ZDHHC21: variants seen among roughly 807,000 people sequenced by gnomAD.
ZDHHC21 encodes palmitoyltransferase ZDHHC21.
Under a neutral mutation model 34.6 loss-of-function variants are expected in ZDHHC21, and 15 were observed. The observed-to-expected ratio is 0.43, with a 90% confidence interval of 0.29 to 0.67. The LOEUF is 0.67. Among genes scored for constraint, ZDHHC21 ranks in the 30% least tolerant of loss-of-function variants. ZDHHC21 has a pLI of 0.14. For synonymous variants in ZDHHC21, 142 were observed against 101.8 expected, an observed-to-expected ratio of 1.40 and a Z score of -2.38; for missense variants, 344 against 327.7, an observed-to-expected ratio of 1.05 and a Z score of -0.38.
intron 7 of ZDHHC21, among the ~76,000 whole-genome samples, chr9:14,656,999 T>C (rs1020197958): frequency 3.6e-4 from 54 of 151,930 alleles, no homozygotes; most frequent in African/African-American, 1.2e-3. Context: ...AATATACACA[T>C]ATATGTCGTA....
chr9:14,664,629 T>G (rs1378572802), intron 5 of ZDHHC21, among the ~76,000 whole-genome samples: 5 of 150,538 alleles, frequency 3.3e-5, no homozygotes, highest in African/African-American at 9.8e-5. Context: ...AAGAGAGCAG[T>G]GGTTCTCCCT....
chr9:14,604,078 G>C, the ZDHHC21 span, among the ~76,000 whole-genome samples: 7 of 152,130 alleles, frequency 4.6e-5, no homozygotes, highest in Non-Finnish European at 1.5e-5. Context: ...GCAAAAATAT[G>C]TATCAATAAC....
At position 14,618,186 on chromosome 9, in the gene ZDHHC21, A is replaced by G. The variant is rs1396140733; in HGVS notation, c.*780T>C. On this transcript the variant is annotated 3_prime_UTR_variant, in exon 10 of 10. Transcript: ENST00000380916. ...CATTAAAATCTTAGGATAAAATAGG[A>G]ATACATGCCCACTGGTCAGGAGTTC... is the stretch of plus-strand genomic sequence containing the variant. 1 of 152,538 alleles carries G rather than the reference A, an allele frequency of 6.6e-6. No homozygotes were observed. Among genetic ancestry groups the G allele is most frequent in the East Asian group, 1.9e-4 (1 of 5,186 alleles). The allele number at this position is 152,538 out of a possible 1,614,324, so 9.4% of individuals were successfully genotyped here. A position where few individuals can be genotyped will look rare whatever the true frequency, so the allele number is the denominator to read the frequency against.
At position 14,618,863 on chromosome 9, in the gene ZDHHC21, G is replaced by A. The variant is rs1824729605; in HGVS notation, c.*103C>T. 1 of 1,306,956 alleles carries A rather than the reference G, an allele frequency of 7.7e-7. No individual in the cohort carries two copies. Among genetic ancestry groups the A allele is most frequent in the African/African-American group, 1.5e-5 (1 of 66,280 alleles). 81.0% of individuals were successfully genotyped at this position (1,306,956 alleles called of 1,614,324 possible). Reference sequence around the variant, plus strand: ...GCACATTATGATGCCTAAGACTGGTGGGTGGATTTTAATTGACTTGAAGAC... The same window carrying A: ...GCACATTATGATGCCTAAGACTGGTAGGTGGATTTTAATTGACTTGAAGAC... On this transcript the variant is annotated 3_prime_UTR_variant, in exon 10 of 10. Coordinates refer to ENST00000380916, the MANE Select transcript of ZDHHC21 (RefSeq NM_178566.6).
chr9:14,657,263 CCTCT>C (rs1483127282), intron 7 of ZDHHC21, among the ~76,000 whole-genome samples: 4 of 151,964 alleles, frequency 2.6e-5, no homozygotes, highest in African/African-American at 7.2e-5. Context: ...TTGTTTCCTC[CCTCT>C]GAGAGTTTTC....
At chr9:14,659,269 T>A (rs7031629) in intron 6 of ZDHHC21, among the ~76,000 whole-genome samples, 144,250 of 152,204 alleles carry the variant, frequency 0.95, 68,387 homozygotes, top group Non-Finnish European at 0.96. Context: ...TTCCCTGTAT[T>A]TTGCTCTTCC....
At chr9:14,636,678 ATG>A (rs1438364700) in intron 8 of ZDHHC21, among the ~76,000 whole-genome samples, 1 of 152,144 alleles carries the variant, frequency 6.6e-6, no homozygotes, top group East Asian at 1.9e-4. Flanking sequence ...CTCAAGAAAC[ATG>A]AAAAAAATCT....
At chr9:14,644,359 C>G (rs1320302020) in intron 7 of ZDHHC21, among the ~76,000 whole-genome samples, 1 of 151,962 alleles carries the variant, frequency 6.6e-6, no homozygotes, top group Non-Finnish European at 1.5e-5. Context: ...TTCTTTCTTT[C>G]TCTTGTCTTA....
Position 14,618,246 on chromosome 9 carries a change from T to C in ZDHHC21, c.*720A>G, listed in dbSNP as rs1824628376. ...CAAATATTTTAATCACAATCAATAA[T>C]TACAACAGTAATAGTGAAAATTGAA... On this transcript the variant is annotated 3_prime_UTR_variant, in exon 10 of 10. Transcript: ENST00000380916. 1 of 152,482 alleles carries C rather than the reference T, an allele frequency of 6.6e-6. No homozygotes were observed. Among genetic ancestry groups the C allele is most frequent in the African/African-American group, 2.4e-5 (1 of 41,438 alleles). 9.4% of individuals were successfully genotyped at this position (152,482 alleles called of 1,614,324 possible).
the ZDHHC21 span, among the ~76,000 whole-genome samples, chr9:14,603,267 A>G: frequency 6.6e-6 from 1 of 152,306 alleles, no homozygotes; most frequent in Middle Eastern, 3.4e-3. Context: ...TATATTTTTA[A>G]AAGTATGATA....
chr9:14,620,440 G>A (rs1306877491), intron 8 of ZDHHC21, among the ~76,000 whole-genome samples: 1 of 151,898 alleles, frequency 6.6e-6, no homozygotes, highest in Non-Finnish European at 1.5e-5. Flanking sequence ...ATATTTATTT[G>A]TATTTTAAAT....
intron 8 of ZDHHC21, chr9:14,622,815 G>T: frequency 1.2e-6 from 1 of 832,456 alleles, no homozygotes; most frequent in Non-Finnish European, 1.4e-6. Context: ...GGAGTTTCTA[G>T]ACCTGCCAAA....
the ZDHHC21 span, among the ~76,000 whole-genome samples, chr9:14,597,419 G>A: frequency 6.6e-6 from 1 of 152,180 alleles, no homozygotes; most frequent in Non-Finnish European, 1.5e-5. Flanking sequence ...CAGGGAGGCT[G>A]CTCTGGCACA....
chr9:14,643,802 G>C (rs1482937087), intron 7 of ZDHHC21, among the ~76,000 whole-genome samples: 2 of 152,164 alleles, frequency 1.3e-5, no homozygotes, highest in African/African-American at 2.4e-5. Context: ...CATTTCTTCA[G>C]TGACCTGAGA....
chr9:14,601,001 C>A, the ZDHHC21 span, among the ~76,000 whole-genome samples: 1 of 152,104 alleles, frequency 6.6e-6, no homozygotes, highest in Admixed American at 6.5e-5. Context: ...AAAATTAACT[C>A]AAGATGGATT....
chr9:14,664,374 G>A (rs9722481), intron 5 of ZDHHC21, among the ~76,000 whole-genome samples: 64,356 of 150,266 alleles, frequency 0.43, 13,920 homozygotes, highest in African/African-American at 0.5. Flanking sequence ...ACGGAGTCTC[G>A]CTGATTGCTA....
intron 5 of ZDHHC21, among the ~76,000 whole-genome samples, chr9:14,664,324 G>T (rs1002217712): frequency 6.6e-6 from 1 of 152,050 alleles, no homozygotes; most frequent in Non-Finnish European, 1.5e-5. Flanking sequence ...GGCGCACCAC[G>T]AGACTATATC....
chr9:14,605,036 T>C, the ZDHHC21 span, among the ~76,000 whole-genome samples: 1 of 152,172 alleles, frequency 6.6e-6, no homozygotes, highest in Admixed American at 6.5e-5. Flanking sequence ...TCTGACAGTA[T>C]TTCCTTCCTT....
intron 2 of ZDHHC21, among the ~76,000 whole-genome samples, chr9:14,682,928 T>C (rs548354488): frequency 6.6e-6 from 1 of 152,344 alleles, no homozygotes; most frequent in East Asian, 1.9e-4. Context: ...AACCTGCTCC[T>C]GAGTGACTAC....
Sources: gnomAD v4.1 joint callset for allele counts (sites outside exome capture counted in the v4.1 genomes callset) on GRCh38, gnomAD v4.1.1 for gene constraint, MANE v1.5 for transcripts, NCBI Gene and HGNC (gene_info 2026-07-23, HGNC 2026-07-21) for gene names.